The following ANXA10 variants were observed in gnomAD, a reference collection of about 807,000 sequenced individuals.
ANXA10 encodes the protein annexin A10.
Under a neutral mutation model 53.5 loss-of-function variants are expected in ANXA10, and 49 were observed. That is an observed-to-expected ratio of 0.92 (90% confidence interval 0.73 to 1.16). ANXA10 has a LOEUF of 1.16. Ranked by LOEUF, ANXA10 falls within the 50% of genes most tolerant of loss-of-function variation. The pLI, the probability that ANXA10 is intolerant of heterozygous loss-of-function variation, is 0.00. For synonymous variants in ANXA10, 131 were observed against 128.9 expected (o/e 1.02, Z -0.11); for missense variants, 393 against 394.4 (o/e 1.00, Z 0.03).
At chr4:168,170,707 C>T (rs1731967090) in intron 6 of ANXA10, among the ~76,000 whole-genome samples, 1 of 152,112 alleles carries the variant, frequency 6.6e-6, no homozygotes, top group African/African-American at 2.4e-5. Flanking sequence ...TCAAGGCTTA[C>T]ATTTTATAAG....
At chr4:168,149,053 T>C (rs1325166600) in intron 3 of ANXA10, among the ~76,000 whole-genome samples, 1 of 152,192 alleles carries the variant, frequency 6.6e-6, no homozygotes, top group East Asian at 1.9e-4. Flanking sequence ...GATCCTTTTT[T>C]CTATAGATTC....
chr4:168,120,543 G>T (rs1344387285), intron 1 of ANXA10, among the ~76,000 whole-genome samples: 2 of 145,052 alleles, frequency 1.4e-5, no homozygotes, highest in African/African-American at 5.7e-5. Context: ...GACAATTGTG[G>T]TCATTATGGT....
chr4:168,154,569 CCTTT>C (rs1372254205), intron 3 of ANXA10, among the ~76,000 whole-genome samples: 3 of 152,094 alleles, frequency 2.0e-5, no homozygotes, highest in Admixed American at 6.6e-5. Context: ...AATTTTTCTA[CCTTT>C]CTATCAACTG....
chr4:168,117,018 T>G (rs1054343485), intron 1 of ANXA10, among the ~76,000 whole-genome samples: 1 of 34,046 alleles, frequency 2.9e-5, no homozygotes, highest in Non-Finnish European at 7.0e-5. Context: ...CACTATGTGG[T>G]GTTATTAACA....
intron 1 of ANXA10, among the ~76,000 whole-genome samples, chr4:168,108,752 C>T (rs1678595263): frequency 1.3e-5 from 2 of 152,270 alleles, no homozygotes; most frequent in African/African-American, 4.8e-5. Context: ...TGTAGCCACG[C>T]AATCTGAGCT....
intron 1 of ANXA10, among the ~76,000 whole-genome samples, chr4:168,108,159 G>A (rs189088948): frequency 8.7e-4 from 133 of 152,212 alleles, no homozygotes; most frequent in African/African-American, 2.9e-3. Context: ...CAGTGAGGAC[G>A]ACCAGGGGTC....
At chr4:168,180,799 C>T (rs1295080569) in intron 9 of ANXA10, among the ~76,000 whole-genome samples, 1 of 152,096 alleles carries the variant, frequency 6.6e-6, no homozygotes, top group Non-Finnish European at 1.5e-5. Context: ...AATTTGTTAA[C>T]CTCTTCAAAT....
intron 3 of ANXA10, among the ~76,000 whole-genome samples, chr4:168,155,608 T>A (rs1421432275): frequency 1.3e-5 from 1 of 77,548 alleles, no homozygotes; most frequent in Non-Finnish European, 2.2e-5. Context: ...ATATAATATA[T>A]AATTATATAT....
At chr4:168,096,923 T>TAG (rs1730556430) in intron 1 of ANXA10, among the ~76,000 whole-genome samples, 1 of 144,200 alleles carries the variant, frequency 6.9e-6, no homozygotes, top group Non-Finnish European at 1.5e-5. Flanking sequence ...TATATATATA[T>TAG]ATATATGTAT....
chr4:168,106,034 T>C (rs1272351856), intron 1 of ANXA10, among the ~76,000 whole-genome samples: 1 of 152,148 alleles, frequency 6.6e-6, no homozygotes, highest in Non-Finnish European at 1.5e-5. Context: ...AAATGCTGGA[T>C]GTTTGACCTT....
At chr4:168,096,858 A>G (rs1730549701) in intron 1 of ANXA10, among the ~76,000 whole-genome samples, 1 of 145,844 alleles carries the variant, frequency 6.9e-6, no homozygotes, top group South Asian at 2.2e-4. Flanking sequence ...CAGCTGCCCA[A>G]TGCACTGCTT....
In ANXA10 at chr4:168,155,945, A is replaced by ATATATGATATATCATATATTATAT. The variant is rs1395229757; in HGVS notation, c.196-6559_196-6536dup. On this transcript the variant is annotated intron_variant, in intron 3 of 11. Transcript: ENST00000359299. The stretch of plus-strand genomic sequence containing the variant: ...TATCATATATTATATGTTATATATA[A>ATATATGATATATCATATATTATAT]TATATGATATATCATATATTATATT... Among the ~76,000 whole-genome samples, 4 of 3,678 alleles carry ATATATGATATATCATATATTATAT rather than the reference A, an allele frequency of 1.1e-3. 1 individual carries two copies. The highest frequency in any genetic ancestry group is 2.4e-3 in the African/African-American group (2 of 834). 2.4% of individuals were successfully genotyped at this position (3,678 alleles called of 152,430 possible). A position where few individuals can be genotyped will look rare whatever the true frequency, so the allele number is the denominator to read the frequency against.
intron 2 of ANXA10, among the ~76,000 whole-genome samples, chr4:168,129,823 T>C (rs1289977359): frequency 6.6e-6 from 1 of 152,174 alleles, no homozygotes; most frequent in Non-Finnish European, 1.5e-5. Context: ...CATTCCCTAA[T>C]AGTACAGTCT....
chr4:168,178,084 G>A (rs1055516145), intron 8 of ANXA10, 101 bp downstream of exon 8: 28 of 1,113,784 alleles, frequency 2.5e-5, no homozygotes, highest in South Asian at 1.0e-4. Flanking sequence ...AGGAAATAGC[G>A]GAAAGTCAGT....
rs1016787202 is a variant in ANXA10, at chr4:168,181,699, C to G, written c.741C>G (p.Asp247Glu). ...TTCTCCTAGTTCTCTGTGTTCGAGA[C>G]AAACCAGCCTATTTTGCTTATAGAT... is the stretch of plus-strand genomic sequence containing the variant. ...LLVAIVLCVRDKPAYFAYRLY... is the reference protein window; with the variant it reads ...LLVAIVLCVREKPAYFAYRLY... Residue 247 changes from aspartate to glutamate, a missense_variant, in exon 10 of 12, where the codon GAC (aspartate) becomes GAG (glutamate). Transcript: ENST00000359299. 1 of 1,604,500 alleles carries G rather than the reference C, an allele frequency of 6.2e-7. No homozygotes were observed. The highest frequency in any genetic ancestry group is 8.5e-7 in the Non-Finnish European group (1 of 1,173,204).
intron 6 of ANXA10, 126 bp from the exon 7 acceptor site, chr4:168,177,614 A>G: frequency 1.2e-6 from 1 of 847,870 alleles, no homozygotes; most frequent in Non-Finnish European, 1.9e-6. Flanking sequence ...ATGAACACTT[A>G]CTCCAGATAA....
At chr4:168,167,411 C>A (rs1731900170) in intron 6 of ANXA10, among the ~76,000 whole-genome samples, 1 of 152,154 alleles carries the variant, frequency 6.6e-6, no homozygotes, top group Non-Finnish European at 1.5e-5. Flanking sequence ...TGCAAGTGTT[C>A]TGAGCACATT....
intron 6 of ANXA10, among the ~76,000 whole-genome samples, chr4:168,173,903 A>C (rs1273659701): frequency 6.6e-6 from 1 of 151,790 alleles, no homozygotes; most frequent in Non-Finnish European, 1.5e-5. Context: ...TTGCGTCCTA[A>C]CAAACCAATC....
chr4:168,123,108 G>A (rs902144539), intron 1 of ANXA10, among the ~76,000 whole-genome samples: 10 of 152,012 alleles, frequency 6.6e-5, no homozygotes, highest in Non-Finnish European at 1.0e-4. Context: ...TTTTGTGGGG[G>A]TCTACACATA....
Sources: allele counts gnomAD v4.1 joint callset (sites outside exome capture counted in the v4.1 genomes callset), GRCh38; gene constraint gnomAD v4.1.1; transcripts MANE v1.5; gene names NCBI Gene and HGNC (gene_info 2026-07-23, HGNC 2026-07-21).